The following FNDC3B variants were observed in gnomAD, a reference collection of about 807,000 sequenced individuals.
FNDC3B encodes the protein fibronectin type III domain-containing protein 3B.
FNDC3B carries 12 observed loss-of-function variants against 151.5 expected under a neutral mutation model. The observed-to-expected ratio is 0.08, with a 90% confidence interval of 0.05 to 0.13. The LOEUF (loss-of-function observed/expected upper bound fraction) is 0.13, where lower values mean the gene tolerates loss of function less well. Among genes scored for constraint, FNDC3B ranks in the 10% least tolerant of loss-of-function variants. FNDC3B has a pLI of 1.00. For missense variants in FNDC3B, 1,214 were observed against 1,505.3 expected, an observed-to-expected ratio of 0.81 and a Z score of 3.20; for synonymous variants, 528 against 549.0, an observed-to-expected ratio of 0.96 and a Z score of 0.54.
intron 3 of FNDC3B, among the ~76,000 whole-genome samples, chr3:172,159,708 G>A (rs1722672526): frequency 6.6e-6 from 1 of 152,148 alleles, no homozygotes; most frequent in South Asian, 2.1e-4. Flanking sequence ...GGTTTGTTTG[G>A]GTTTGTCAGT....
chr3:172,372,487 C>CT (rs1453020286), intron 23 of FNDC3B, among the ~76,000 whole-genome samples: 4 of 152,192 alleles, frequency 2.6e-5, no homozygotes, highest in African/African-American at 9.7e-5. Flanking sequence ...TTCCTTGTTG[C>CT]TTTTGTCAGC....
chr3:172,226,343 T>G (rs1446274455), intron 3 of FNDC3B, among the ~76,000 whole-genome samples: 1 of 151,844 alleles, frequency 6.6e-6, no homozygotes, highest in East Asian at 1.9e-4. Context: ...TCCCCCTGCC[T>G]TATTCAGTTG....
At chr3:172,148,940 A>G (rs548635588) in intron 3 of FNDC3B, among the ~76,000 whole-genome samples, 2 of 152,364 alleles carry the variant, frequency 1.3e-5, no homozygotes, top group East Asian at 1.9e-4. Flanking sequence ...ATTCTTGGCT[A>G]TAGACAGAGT....
chr3:172,093,573 A>G (rs1408349245), intron 1 of FNDC3B, among the ~76,000 whole-genome samples: 2 of 152,000 alleles, frequency 1.3e-5, no homozygotes, highest in African/African-American at 2.4e-5. Context: ...TAATTTTTAA[A>G]TATTTTAGAG....
intron 3 of FNDC3B, among the ~76,000 whole-genome samples, chr3:172,175,231 G>C (rs1366817786): frequency 2.6e-5 from 4 of 152,016 alleles, no homozygotes; most frequent in Admixed American, 2.6e-4. Flanking sequence ...AATGTCTGCT[G>C]CTCCTTGCTT....
chr3:172,363,153 A>G (rs1048463121), intron 23 of FNDC3B, among the ~76,000 whole-genome samples: 5 of 152,192 alleles, frequency 3.3e-5, no homozygotes, highest in Non-Finnish European at 7.3e-5. Context: ...CACACTATGT[A>G]ATAGCATTAT....
At chr3:172,115,021 G>A (rs1023226217) in intron 2 of FNDC3B, among the ~76,000 whole-genome samples, 1 of 152,220 alleles carries the variant, frequency 6.6e-6, no homozygotes, top group Admixed American at 6.5e-5. Flanking sequence ...TGGGTAAAGT[G>A]TGTTAGAAAT....
intron 4 of FNDC3B, among the ~76,000 whole-genome samples, chr3:172,245,513 G>A (rs753243701): frequency 1.3e-5 from 2 of 151,992 alleles, no homozygotes; most frequent in African/African-American, 2.4e-5. Context: ...AGACACTGTA[G>A]GATAATGCAT....
chr3:172,352,588 C>T lies in FNDC3B; in HGVS notation c.2515-215C>T, dbSNP rs759013492. Among the ~76,000 whole-genome samples the T allele has an allele frequency of 4.6e-5, 7 of 152,018 alleles. No individual in the cohort carries two copies. The highest frequency in any genetic ancestry group is 7.3e-5 in the African/African-American group (3 of 41,360). The stretch of plus-strand genomic sequence containing the variant: ...TTTTTAAATTATTTGTCATAAGAAA[C>T]GATGGTGGCCATATTTTGCTTTAAT... On this transcript the variant is annotated intron_variant, in intron 21 of 25. Coordinates refer to ENST00000415807, the MANE Select transcript of FNDC3B (RefSeq NM_022763.4). This position sits in a 1 kb window ranked among gnomAD's most constrained non-coding sequence, Gnocchi z 4.2.
At chr3:172,325,230 A>G (rs1342085200) in intron 11 of FNDC3B, among the ~76,000 whole-genome samples, 1 of 152,234 alleles carries the variant, frequency 6.6e-6, no homozygotes, top group African/African-American at 2.4e-5. Flanking sequence ...ATTAACAACT[A>G]AGTTTCCGAA....
chr3:172,376,709 A>G (rs1735158451), intron 23 of FNDC3B, among the ~76,000 whole-genome samples: 2 of 152,200 alleles, frequency 1.3e-5, no homozygotes, highest in South Asian at 4.1e-4. Flanking sequence ...TCAGCCTTTA[A>G]TAAAAGGCAC....
intron 23 of FNDC3B, among the ~76,000 whole-genome samples, chr3:172,377,009 G>A (rs992453157): frequency 5.3e-5 from 8 of 152,170 alleles, no homozygotes; most frequent in Admixed American, 1.3e-4. Flanking sequence ...CCACACTCAG[G>A]ACCAGCTAAC....
intron 22 of FNDC3B, among the ~76,000 whole-genome samples, chr3:172,355,016 C>G (rs1051413621): frequency 6.6e-6 from 1 of 151,816 alleles, no homozygotes; most frequent in Non-Finnish European, 1.5e-5. Flanking sequence ...GGTCATTTCT[C>G]CATGGGTGCT....
rs1733908340 is a variant in FNDC3B at position 172,352,550 on chromosome 3, A to G, written c.2515-253A>G. 6.6e-6 allele frequency among the ~76,000 whole-genome samples: 1 copy of G among 152,212 alleles called. No individual in the cohort carries two copies. Among genetic ancestry groups the G allele is most frequent in the Admixed American group, 6.5e-5 (1 of 15,280 alleles). ...GTATAAACTGAAATAGGTCATGCAA[A>G]TATAAAATATTATTTTTAAATTATT... On this transcript the variant is annotated intron_variant, in intron 21 of 25. Coordinates refer to ENST00000415807, the MANE Select transcript of FNDC3B (RefSeq NM_022763.4). The surrounding 1 kb of genome is among the most constrained non-coding windows in gnomAD (Gnocchi z 4.2).
chr3:172,297,974 G>A (rs1378796139), intron 8 of FNDC3B, among the ~76,000 whole-genome samples: 1 of 152,056 alleles, frequency 6.6e-6, no homozygotes, highest in Non-Finnish European at 1.5e-5. Context: ...GAAAAATTGG[G>A]CAGTTTTCAC....
intron 3 of FNDC3B, among the ~76,000 whole-genome samples, chr3:172,167,312 C>T (rs1184442977): frequency 6.6e-6 from 1 of 152,182 alleles, no homozygotes; most frequent in African/African-American, 2.4e-5. Context: ...ACGAGAATCG[C>T]TTGAACCCAG....
At chr3:172,124,173 C>G (rs920869107) in intron 2 of FNDC3B, among the ~76,000 whole-genome samples, 1 of 152,192 alleles carries the variant, frequency 6.6e-6, no homozygotes, top group African/African-American at 2.4e-5. Flanking sequence ...TCACTGCAAC[C>G]TCTGCCTCCC....
intron 1 of FNDC3B, among the ~76,000 whole-genome samples, chr3:172,096,526 A>T (rs981053776): frequency 6.6e-6 from 1 of 152,096 alleles, no homozygotes; most frequent in African/African-American, 2.4e-5. Context: ...AGAGTCCAGG[A>T]CCCTAGAGGA....
intron 25 of FNDC3B, among the ~76,000 whole-genome samples, chr3:172,390,453 G>A (rs543456330): frequency 6.6e-6 from 1 of 151,860 alleles, no homozygotes. Context: ...TTAAAGTTGG[G>A]AAGTTTTGTT....
Sources: gnomAD v4.1 joint callset for allele counts (sites outside exome capture counted in the v4.1 genomes callset) on GRCh38, gnomAD v4.1.1 for gene constraint, Gnocchi (gnomAD v3.1) non-coding constraint, MANE v1.5 for transcripts, NCBI Gene and HGNC (gene_info 2026-07-23, HGNC 2026-07-21) for gene names.